Variants in MYH16 observed in about 807,000 individuals in gnomAD.
The protein encoded by MYH16 is myosin heavy chain 16.
At chr7:99,273,462 G>A (rs1486617768) in intron 20 of MYH16, 39 bp downstream of exon 2, 1 of 456,378 alleles carries the variant, frequency 2.2e-6, no homozygotes, top group East Asian at 6.9e-5. Flanking sequence ...GACTGCTGCT[G>A]CCTATGGGCT....
chr7:99,243,270 C>G (rs1791688267), intron 1 of MYH16: 1 of 152,962 alleles, frequency 6.5e-6, no homozygotes, highest in Non-Finnish European at 1.5e-5. Context: ...GTGTCTTGAC[C>G]CCCCCAGACA....
chr7:99,239,323 T>G (rs1791635708), intron 1 of MYH16, among the ~76,000 whole-genome samples: 1 of 152,244 alleles, frequency 6.6e-6, no homozygotes, highest in Non-Finnish European at 1.5e-5. Context: ...GAGAGTTACT[T>G]ATCTTTGATG....
chr7:99,253,121 G>T (rs945386617), intron 7 of MYH16: 3 of 151,636 alleles, frequency 2.0e-5, no homozygotes, highest in Non-Finnish European at 4.4e-5. Flanking sequence ...TGAAAAATTA[G>T]CCTGGCATGG....
chr7:99,277,691 C>T (rs1562780338), exon 21 of MYH16: 1 of 456,480 alleles, frequency 2.2e-6, no homozygotes, highest in Non-Finnish European at 4.4e-6. Context: ...AGAAGAATGA[C>T]CTCACCATCC....
At chr7:99,238,917 T>G (rs1168097969) in exon 1 of MYH16, 3 of 152,798 alleles carry the variant, frequency 2.0e-5, no homozygotes, top group Non-Finnish European at 4.4e-5. Flanking sequence ...ATTGAAGCCA[T>G]GAACAAGCCC....
At chr7:99,242,761 C>A (rs1584339101) in intron 1 of MYH16, among the ~76,000 whole-genome samples, 1 of 152,188 alleles carries the variant, frequency 6.6e-6, no homozygotes, top group African/African-American at 2.4e-5. Context: ...CTCTTCCCCC[C>A]ACCCTTCTCA....
Position 99,305,092 on chromosome 7 carries a change from G to A in MYH16, n.5434+336G>A, listed in dbSNP as rs554314070. On this transcript the variant is annotated intron_variant and non_coding_transcript_variant, in intron 40 of 41. Coordinates refer to ENST00000439784, the Ensembl canonical transcript of MYH16. ...TAGTCCCAGCTACTCAGGAGGCTGA[G>A]TTGGGAGGATTGCTTGAGCCCAGGA... 3.3e-4 allele frequency among the ~76,000 whole-genome samples: 51 copies of A among 152,256 alleles called. 1 individual carries two copies. Among genetic ancestry groups the A allele is most frequent in the African/African-American group, 1.1e-3 (45 of 41,528 alleles).
At chr7:99,286,602 G>A (rs1334825765) in intron 28 of MYH16, 1 of 152,362 alleles carries the variant, frequency 6.6e-6, no homozygotes, top group African/African-American at 2.4e-5. Flanking sequence ...GTGAGCAGTG[G>A]GATCAAGACC....
At chr7:99,254,876 T>C (rs1384649064) in intron 8 of MYH16, among the ~76,000 whole-genome samples, 1 of 152,200 alleles carries the variant, frequency 6.6e-6, no homozygotes, top group Non-Finnish European at 1.5e-5. Flanking sequence ...GGCTCATATC[T>C]GTAATCCCAG....
At chr7:99,267,796 G>T (rs934480715) in intron 18 of MYH16, among the ~76,000 whole-genome samples, 9 of 152,180 alleles carry the variant, frequency 5.9e-5, no homozygotes, top group Non-Finnish European at 2.9e-5. Context: ...GGTGCCAGGT[G>T]TCCTTCTATA....
intron 25 of MYH16, 40 bp from the exon 8 acceptor site, chr7:99,284,805 C>G (rs1401696830): frequency 4.4e-6 from 2 of 456,354 alleles, no homozygotes; most frequent in Non-Finnish European, 4.4e-6. Context: ...CTGGTCTACC[C>G]TCAGAGCCTT....
chr7:99,289,713 C>T (rs533020032), intron 30 of MYH16, among the ~76,000 whole-genome samples: 3 of 152,276 alleles, frequency 2.0e-5, no homozygotes, highest in Non-Finnish European at 2.9e-5. Flanking sequence ...TAATATAAAG[C>T]GAACATGTGT....
At chr7:99,256,324 G>A (rs1791872845) in intron 9 of MYH16, among the ~76,000 whole-genome samples, 1 of 151,422 alleles carries the variant, frequency 6.6e-6, no homozygotes, top group South Asian at 2.1e-4. Flanking sequence ...AATTAGCTGG[G>A]TGTGATGGCA....
chr7:99,296,148 TAAAAAAAAAAAA>T (rs60180969), intron 33 of MYH16, among the ~76,000 whole-genome samples: 10 of 91,398 alleles, frequency 1.1e-4, no homozygotes, highest in Non-Finnish European at 1.4e-4. Flanking sequence ...CATCTCAATT[TAAAAAAAAAAAA>T]AAAAAAAAAA....
At chr7:99,299,062 C>CA (rs923852759) in intron 36 of MYH16, among the ~76,000 whole-genome samples, 49 of 122,272 alleles carry the variant, frequency 4.0e-4, no homozygotes, top group East Asian at 3.0e-3. Flanking sequence ...CCCCGCTCTA[C>CA]AAAAAAAAAA....
intron 28 of MYH16, 54 bp from the exon 10 acceptor site, chr7:99,287,838 C>A: frequency 2.3e-6 from 1 of 433,616 alleles, no homozygotes. Flanking sequence ...CGGTGTCCAC[C>A]CGGAAAAGGC....
intron 31 of MYH16, among the ~76,000 whole-genome samples, 195 bp downstream of exon 12, chr7:99,291,645 G>A (rs868472926): frequency 0.013 from 459 of 36,262 alleles, 2 homozygotes; most frequent in African/African-American, 0.046. Context: ...CACCCCCAAC[G>A]CCATCTCTAC....
At chr7:99,292,160 A>T (rs970784022) in intron 31 of MYH16, among the ~76,000 whole-genome samples, 152 bp from the exon 13 acceptor site, 4 of 152,258 alleles carry the variant, frequency 2.6e-5, no homozygotes, top group Admixed American at 2.0e-4. Flanking sequence ...ATAGGATGAA[A>T]ATTAAAACCC....
At chr7:99,264,936 A>C (rs1791972453) in intron 15 of MYH16, among the ~76,000 whole-genome samples, 2 of 152,218 alleles carry the variant, frequency 1.3e-5, no homozygotes, top group South Asian at 4.1e-4. Flanking sequence ...TGCAATGATG[A>C]AACGTTCTCT....
Sources: gnomAD v4.1 joint callset for allele counts (sites outside exome capture counted in the v4.1 genomes callset) on GRCh38, gnomAD v4.1.1 for gene constraint, MANE v1.5 for transcripts, NCBI Gene and HGNC (gene_info 2026-07-23, HGNC 2026-07-21) for gene names.